Variants in C16orf96 observed in about 807,000 individuals in gnomAD.
The protein encoded by C16orf96 is uncharacterized protein C16orf96.
In C16orf96, 108 loss-of-function variants were observed where a neutral mutation model predicts 103.6. That is an observed-to-expected ratio of 1.04 (90% confidence interval 0.89 to 1.22). The LOEUF (loss-of-function observed/expected upper bound fraction) is 1.22, where lower values mean the gene tolerates loss of function less well. C16orf96 is among the 50% of genes most tolerant of loss of function. The pLI is 0.00. For synonymous variants in C16orf96, 566 were observed against 593.5 expected (o/e 0.95, Z 0.67); for missense variants, 1,586 against 1,464.2 (o/e 1.08, Z -1.36).
At chr16:4,555,873 T>G (rs2059258468), upstream of C16orf96, among the ~76,000 whole-genome samples, 1 of 151,794 alleles carries the variant, frequency 6.6e-6, no homozygotes, top group South Asian at 2.1e-4. Context: ...ATTACAAATT[T>G]TTTTTTGTAG....
chr16:4,569,367 C>G (rs757240312), intron 1 of C16orf96, among the ~76,000 whole-genome samples: 12 of 152,110 alleles, frequency 7.9e-5, no homozygotes, highest in Non-Finnish European at 1.3e-4. Flanking sequence ...ACTGAGTACC[C>G]CCATTTTTCT....
At chr16:4,559,458 C>T (rs1279492019) in intron 1 of C16orf96, among the ~76,000 whole-genome samples, 2 of 151,496 alleles carry the variant, frequency 1.3e-5, no homozygotes, top group Non-Finnish European at 2.9e-5. Context: ...GGCTGAGGCA[C>T]GAGAATCGCT....
At chr16:4,551,852 C>T, upstream of C16orf96, among the ~76,000 whole-genome samples, 1 of 152,130 alleles carries the variant, frequency 6.6e-6, no homozygotes, top group East Asian at 1.9e-4. Flanking sequence ...ATCAACCCAT[C>T]ATCTAGGTTT....
chr16:4,563,272 C>T, intron 1 of C16orf96: 1 of 410,844 alleles, frequency 2.4e-6, no homozygotes, highest in Non-Finnish European at 4.7e-6. Context: ...ATTTTTAAGG[C>T]AGGGTCTCAC....
intron 7 of C16orf96, among the ~76,000 whole-genome samples, chr16:4,581,577 A>G (rs1006886987): frequency 2.0e-5 from 3 of 151,078 alleles, no homozygotes; most frequent in African/African-American, 2.4e-5. Context: ...AGCTTGCAGT[A>G]AGCCGAGATC....
In C16orf96 at chr16:4,600,679, A is replaced by C; in HGVS notation, c.*362A>C. On this transcript the variant is annotated 3_prime_UTR_variant, in exon 16 of 16. Transcript: ENST00000444310. ...CCCATGCTGACCCAGTGGCTGTTTT[A>C]TCCTGTGCATATAAATACAAACAGC... 1 of 296,404 alleles carries C rather than the reference A, an allele frequency of 3.4e-6. No individual in the cohort carries two copies. The allele number at this position is 296,404 out of a possible 1,614,324, so 18.4% of individuals were successfully genotyped here.
chr16:4,557,941 A>G (rs2059283838), intron 1 of C16orf96, among the ~76,000 whole-genome samples: 1 of 152,196 alleles, frequency 6.6e-6, no homozygotes. Flanking sequence ...AAGTGCTGGG[A>G]TTAGAAGCGT....
intron 13 of C16orf96, 55 bp from the exon 14 acceptor site, chr16:4,594,649 T>G (rs1490855953): frequency 9.1e-6 from 14 of 1,545,634 alleles, no homozygotes; most frequent in Non-Finnish European, 1.1e-5. Context: ...GTACCAAAGT[T>G]CGGGGGCAGA....
intron 7 of C16orf96, among the ~76,000 whole-genome samples, 185 bp downstream of exon 7, chr16:4,580,310 A>ACCCCCCCCCCCCCCCCC (rs150403662): frequency 3.8e-5 from 4 of 104,502 alleles, no homozygotes; most frequent in Admixed American, 2.3e-4. Flanking sequence ...GAATCCCACC[A>ACCCCCCCCCCCCCCCCC]CCCCCCCCCA....
At chr16:4,555,698 C>CTTT (rs1166481480), upstream of C16orf96, among the ~76,000 whole-genome samples, 2 of 127,252 alleles carry the variant, frequency 1.6e-5, no homozygotes, top group Admixed American at 8.1e-5. Context: ...CTTTTCTTTT[C>CTTT]TTTTTTTTTT....
Position 4,585,659 on chromosome 16 carries a change from C to CA in C16orf96, c.2353-1377dup, listed in dbSNP as rs1896908789. Among the ~76,000 whole-genome samples the CA allele has an allele frequency of 1.3e-5, 2 of 152,086 alleles. 1 individual carries two copies. The highest frequency in any genetic ancestry group is 4.1e-4 in the South Asian group (2 of 4,832). On this transcript the variant is annotated intron_variant, in intron 7 of 15. Coordinates refer to ENST00000444310, the MANE Select transcript of C16orf96 (RefSeq NM_001145011.2). The stretch of plus-strand genomic sequence containing the variant: ...GATCAGTTCCCTGCGGTTGCTGCGG[C>CA]AAATCACTCTTGGGGTTCTGGAGGC...
chr16:4,591,841 A>C, intron 10 of C16orf96, 57 bp downstream of exon 10: 1 of 1,312,288 alleles, frequency 7.6e-7, no homozygotes, highest in Non-Finnish European at 1.1e-6. Context: ...GCTGTGGGGA[A>C]CACACCCTGG....
the C16orf96 span, among the ~76,000 whole-genome samples, chr16:4,550,295 G>A: frequency 1.3e-5 from 2 of 152,030 alleles, no homozygotes; most frequent in Non-Finnish European, 2.9e-5. Context: ...ATGTTGGACA[G>A]GTTGGTCTCT....
upstream of C16orf96, among the ~76,000 whole-genome samples, chr16:4,555,527 C>T (rs927868540): frequency 7.2e-5 from 11 of 151,942 alleles, no homozygotes; most frequent in African/African-American, 2.7e-4. Context: ...CACGTGCCAC[C>T]ACGCCTGGCT....
upstream of C16orf96, among the ~76,000 whole-genome samples, chr16:4,555,089 C>T (rs1455375729): frequency 2.0e-5 from 3 of 151,598 alleles, no homozygotes; most frequent in Non-Finnish European, 4.4e-5. Flanking sequence ...ATGGTGAAAC[C>T]CCATCTCCAC....
rs1318800427 is a variant in C16orf96, at chr16:4,576,531, A to G, written c.2051A>G (p.Lys684Arg). The change falls in exon 5 of 16, where the codon AAG (lysine) becomes AGG (arginine). Residue 684 changes from lysine (K) to arginine (R), a missense_variant. Coordinates refer to ENST00000444310, the MANE Select transcript of C16orf96 (RefSeq NM_001145011.2). ...CCTGAAGACAAGAAGAGGGCTGTCA[A>G]GTATTCCATGAGCCACATAGCCCAG... ...MSPEDKKRAVKYSMSHIAQIP... is the reference protein window; with the variant it reads ...MSPEDKKRAVRYSMSHIAQIP... 1.3e-6 allele frequency: 2 copies of G among 1,551,514 alleles called. No individual in the cohort carries two copies. Among genetic ancestry groups the G allele is most frequent in the Admixed American group, 3.9e-5 (2 of 51,004 alleles).
At chr16:4,550,921 A>G in the C16orf96 span, among the ~76,000 whole-genome samples, 3 of 152,198 alleles carry the variant, frequency 2.0e-5, no homozygotes, top group African/African-American at 7.2e-5. Context: ...AATGGAATCC[A>G]CGTTGTTGGC....
In C16orf96 at chr16:4,576,395, G is replaced by T; in HGVS notation, c.1915G>T (p.Gly639Cys). The change falls in exon 5 of 16, where the codon GGC becomes TGC. Residue 639 changes from glycine (G) to cysteine (C), a missense_variant. By Grantham distance (159) the Gly-to-Cys change is radical. Transcript: ENST00000444310. Reference protein sequence around the residue: ...SRGATESQILGDDSEIYEILS... With the variant: ...SRGATESQILCDDSEIYEILS... ...GGGAGCCACAGAATCCCAGATCTTG[G>T]GCGATGATTCCGAAATCTACGAAAT... 1 of 1,551,050 alleles carries T rather than the reference G, an allele frequency of 6.4e-7. No individual in the cohort carries two copies. The highest frequency in any genetic ancestry group is 1.2e-5 in the South Asian group (1 of 84,064).
intron 7 of C16orf96, among the ~76,000 whole-genome samples, chr16:4,582,800 C>G (rs369531317): frequency 7.2e-5 from 11 of 152,318 alleles, no homozygotes; most frequent in African/African-American, 2.6e-4. Context: ...TGAGCAGGGG[C>G]TGCAGTGTCT....
Sources: gnomAD v4.1 joint callset for allele counts (sites outside exome capture counted in the v4.1 genomes callset) on GRCh38, gnomAD v4.1.1 for gene constraint, MANE v1.5 for transcripts, NCBI Gene and HGNC (gene_info 2026-07-23, HGNC 2026-07-21) for gene names.